CNTROB: variants seen among roughly 807,000 people sequenced by gnomAD.
CNTROB encodes centrobin.
Under a neutral mutation model 115.7 loss-of-function variants are expected in CNTROB, and 82 were observed. That is an observed-to-expected ratio of 0.71 (90% CI 0.59 to 0.85). CNTROB has a LOEUF of 0.85. Among genes scored for constraint, CNTROB ranks in the 40% least tolerant of loss-of-function variants. CNTROB has a pLI of 0.00. For missense variants in CNTROB, 1,014 were observed against 1,144.4 expected (o/e 0.89, Z 1.64); for synonymous variants, 439 against 456.4 (o/e 0.96, Z 0.49).
At position 7,944,144 on chromosome 17, in the gene CNTROB, T is replaced by C; in HGVS notation, c.1467T>C (p.Ser489=). The C allele has an allele frequency of 1.2e-6, 2 of 1,609,892 alleles. No homozygotes were observed. The highest frequency in any genetic ancestry group is 1.7e-6 in the Non-Finnish European group (2 of 1,176,204). ...GTAGGAAGCAGCTGCAGGACCTGAG[T>C]GGACAGCACCAGCAGGAGCTGGCCA... is the stretch of plus-strand genomic sequence containing the variant. ...EHHRKQLQDL[S]GQHQQELASQ... The change falls in exon 11 of 19, where the codon AGT becomes AGC. Residue 489 remains serine (S), a synonymous_variant. Transcript: ENST00000563694. The surrounding 1 kb of genome is among the most constrained non-coding windows in gnomAD (Gnocchi z 4.0).
At position 7,947,479 on chromosome 17, in the gene CNTROB, C is replaced by G; in HGVS notation, c.1994-92C>G. 3.2e-6 allele frequency: 4 copies of G among 1,254,262 alleles called. No homozygotes were observed. The South Asian group carries it at 7.8e-5, about 24-fold the overall frequency. The allele number at this position is 1,254,262 out of a possible 1,614,324, so 77.7% of individuals were successfully genotyped here. On this transcript the variant is annotated intron_variant, in intron 13 of 18. Coordinates refer to ENST00000563694, the MANE Select transcript of CNTROB (RefSeq NM_053051.5). ...TGTTCCTCTTCCATTTAATAGGCCC[C>G]TTTCTTCTGAGTATTAGGTGAGTTG...
intron 3 of CNTROB, 113 bp from the exon 4 acceptor site, chr17:7,934,876 C>A: frequency 2.5e-6 from 3 of 1,218,586 alleles, no homozygotes; most frequent in Non-Finnish European, 3.4e-6. Context: ...CGACTTTGGA[C>A]AAGTCTCTTG....
intron 9 of CNTROB, among the ~76,000 whole-genome samples, chr17:7,942,672 G>C (rs1361795921): frequency 6.7e-6 from 1 of 150,130 alleles, no homozygotes; most frequent in Non-Finnish European, 1.5e-5. Flanking sequence ...AGATTTTAGT[G>C]AGTTGAAGGA....
At position 7,932,257 on chromosome 17, in the gene CNTROB, G is replaced by T. The variant is rs890572676; in HGVS notation, c.-823G>T. On this transcript the variant is annotated 5_prime_UTR_variant, in exon 1 of 19. The change creates a new upstream start codon in the 5' untranslated region. Coordinates refer to ENST00000563694, the MANE Select transcript of CNTROB (RefSeq NM_053051.5). Reference sequence around the variant, plus strand: ...TTTGAGCGTAGGGGGAGGCGTGAGAGGGGGATCTCAGGGGAGGAGGTCAAT... The same window carrying T: ...TTTGAGCGTAGGGGGAGGCGTGAGATGGGGATCTCAGGGGAGGAGGTCAAT... 4 of 209,418 alleles carry T rather than the reference G, an allele frequency of 1.9e-5. No homozygotes were observed. In the Admixed American group the frequency reaches 2.1e-4, roughly 11 times the overall value. The allele number at this position is 209,418 out of a possible 1,614,324, so 13.0% of individuals were successfully genotyped here.
chr17:7,935,244 C>T, intron 4 of CNTROB, 99 bp downstream of exon 4: 1 of 1,569,868 alleles, frequency 6.4e-7, no homozygotes, highest in South Asian at 1.1e-5. Flanking sequence ...TGGCTCACGC[C>T]TGTAATCACA....
intron 7 of CNTROB, among the ~76,000 whole-genome samples, chr17:7,937,655 T>C (rs1973342320): frequency 6.6e-6 from 1 of 151,858 alleles, no homozygotes; most frequent in African/African-American, 2.4e-5. Flanking sequence ...TACAAAAAAC[T>C]AGCTGGACAT....
chr17:7,949,299 C>T, intron 18 of CNTROB, 86 bp from the exon 19 acceptor site: 4 of 1,594,226 alleles, frequency 2.5e-6, no homozygotes, highest in African/African-American at 2.7e-5. Context: ...ACTCATCTGG[C>T]CCTCTCCACG....
At chr17:7,946,110 T>C in intron 13 of CNTROB, 124 bp downstream of exon 13, 1 of 839,508 alleles carries the variant, frequency 1.2e-6, no homozygotes, top group Non-Finnish European at 1.9e-6. Context: ...TGATCGCAAG[T>C]TGCAAGGAGC....
Position 7,937,216 on chromosome 17 carries a change from G to C in CNTROB, c.881G>C (p.Arg294Pro). Residue 294 changes from arginine (R) to proline (P), a missense_variant, in exon 7 of 19, where the codon CGT (arginine) becomes CCT (proline). Transcript: ENST00000563694. ...TCTGAGGCCATGGAGGCCCTGAATCGTGAGCAGGAAAGTGCCAGACTGCAG... is the reference window on the plus strand; with the variant it reads ...TCTGAGGCCATGGAGGCCCTGAATCCTGAGCAGGAAAGTGCCAGACTGCAG... ...SLSEAMEALN[R>P]EQESARLQQR... The C allele has an allele frequency of 3.7e-6, 6 of 1,614,174 alleles. No individual in the cohort carries two copies. The highest frequency in any genetic ancestry group is 5.1e-6 in the Non-Finnish European group (6 of 1,180,024).
At chr17:7,949,250 C>T (rs910346325) in intron 18 of CNTROB, 93 bp downstream of exon 18, 10 of 1,566,588 alleles carry the variant, frequency 6.4e-6, no homozygotes, top group African/African-American at 1.4e-5. Flanking sequence ...CCCTCCATTC[C>T]ACCCCTGCAT....
At chr17:7,938,248 GC>G (rs1973440757) in intron 7 of CNTROB, among the ~76,000 whole-genome samples, 1 of 151,240 alleles carries the variant, frequency 6.6e-6, no homozygotes, top group South Asian at 2.1e-4. Flanking sequence ...CAAGTGATCT[GC>G]CCGCCTTGGC....
Position 7,936,442 on chromosome 17 carries a change from C to A in CNTROB, c.671C>A (p.Ala224Asp). The change falls in exon 5 of 19, where the codon GCC becomes GAC. Residue 224 changes from alanine (A) to aspartate (D), a missense_variant. Transcript: ENST00000563694. ...CAACAATTAGCCGTGGCTGTGGCTG[C>A]CGACCGCAAGAAAGATACCATGATT... ...LQQQLAVAVA[A>D]DRKKDTMIEQ... The A allele has an allele frequency of 1.3e-6, 2 of 1,557,724 alleles. No homozygotes were observed. Among genetic ancestry groups the A allele is most frequent in the Non-Finnish European group, 1.8e-6 (2 of 1,128,694 alleles).
At chr17:7,938,880 G>T (rs1567917049) in intron 7 of CNTROB, among the ~76,000 whole-genome samples, 2 of 152,198 alleles carry the variant, frequency 1.3e-5, no homozygotes, top group African/African-American at 2.4e-5. Context: ...CCAGGTTCAA[G>T]CAATTCTCCT....
At chr17:7,937,504 G>T (rs565915523) in intron 7 of CNTROB, among the ~76,000 whole-genome samples, 6 of 152,220 alleles carry the variant, frequency 3.9e-5, no homozygotes, top group East Asian at 1.9e-4. Context: ...GTCATCTGAA[G>T]AATTATTTTA....
At chr17:7,941,957 G>A (rs1237139447) in intron 9 of CNTROB, among the ~76,000 whole-genome samples, 2 of 109,342 alleles carry the variant, frequency 1.8e-5, no homozygotes, top group African/African-American at 3.6e-5. Flanking sequence ...GAGCGAGACC[G>A]AGTCTCAAAA....
At position 7,944,174 on chromosome 17, in the gene CNTROB, G is replaced by A; in HGVS notation, c.1497G>A (p.Gln499=). ...AGCACCAGCAGGAGCTGGCCAGTCAGCTAGCTCAGTTCAAGGTGGAAATGG... is the reference window on the plus strand; with the variant it reads ...AGCACCAGCAGGAGCTGGCCAGTCAACTAGCTCAGTTCAAGGTGGAAATGG... ...SGQHQQELAS[Q]LAQFKVEMAE... Residue 499 remains glutamine, a synonymous_variant, in exon 11 of 19, where the codon CAG becomes CAA. Coordinates refer to ENST00000563694, the MANE Select transcript of CNTROB (RefSeq NM_053051.5). The surrounding 1 kb of genome is among the most constrained non-coding windows in gnomAD (Gnocchi z 4.0). 9 of 1,612,188 alleles carry A rather than the reference G, an allele frequency of 5.6e-6. No homozygotes were observed. The highest frequency in any genetic ancestry group is 7.6e-6 in the Non-Finnish European group (9 of 1,178,208).
At chr17:7,932,096 G>A (rs1252622915), upstream of CNTROB, 3 of 526,058 alleles carry the variant, frequency 5.7e-6, no homozygotes, top group Non-Finnish European at 1.0e-5. Flanking sequence ...GTGGCCACCG[G>A]AGCCGCGCAC....
At position 7,939,107 on chromosome 17, in the gene CNTROB, T is replaced by C. The variant is rs1296926364; in HGVS notation, c.928-406T>C. On this transcript the variant is annotated intron_variant, in intron 7 of 18. Coordinates refer to ENST00000563694, the MANE Select transcript of CNTROB (RefSeq NM_053051.5). This position sits in a 1 kb window ranked among gnomAD's most constrained non-coding sequence, Gnocchi z 4.4. ...ATTGTGGGGTTTCTTTTGGTTTTAT[T>C]TGAGATGGAGTCTTGCTCGATGTCG... 4.6e-5 allele frequency among the ~76,000 whole-genome samples: 7 copies of C among 151,724 alleles called. No homozygotes were observed. The highest frequency in any genetic ancestry group is 1.7e-4 in the African/African-American group (7 of 41,236).
chr17:7,932,193 G>A (rs1972591106), upstream of CNTROB: 1 of 305,672 alleles, frequency 3.3e-6, no homozygotes, highest in Non-Finnish European at 6.2e-6. Flanking sequence ...AGGCGAGAGA[G>A]GCGGAGCCGT....
Sources: gnomAD v4.1 joint callset for allele counts (sites outside exome capture counted in the v4.1 genomes callset) on GRCh38, gnomAD v4.1.1 for gene constraint, Gnocchi (gnomAD v3.1) non-coding constraint, MANE v1.5 for transcripts, NCBI Gene and HGNC (gene_info 2026-07-23, HGNC 2026-07-21) for gene names.